Variants in ARHGAP21 observed in about 807,000 individuals in gnomAD.
ARHGAP21 encodes the protein rho GTPase-activating protein 21.
Under a neutral mutation model 164.6 loss-of-function variants are expected in ARHGAP21, and 38 were observed. The ratio of observed to expected loss-of-function variants is 0.23; its 90% confidence interval spans 0.18 to 0.30. ARHGAP21 has a LOEUF of 0.30. Ranked by LOEUF, ARHGAP21 falls within the 10% of genes least tolerant of loss-of-function variation. The probability of loss-of-function intolerance (pLI) is 1.00; values close to 1 mark genes in which losing one functional copy is unlikely to be tolerated. For missense variants in ARHGAP21, 1,822 were observed against 2,370.7 expected (o/e 0.77, Z 4.81); for synonymous variants, 766 against 857.9 (o/e 0.89, Z 1.87).
intron 2 of ARHGAP21, among the ~76,000 whole-genome samples, chr10:24,689,671 G>C (rs1358733280): frequency 6.6e-6 from 1 of 152,040 alleles, no homozygotes; most frequent in Non-Finnish European, 1.5e-5. Context: ...AGCCCGGAAG[G>C]TTGAGGCTGC....
intron 2 of ARHGAP21, among the ~76,000 whole-genome samples, chr10:24,686,587 T>C (rs1266472313): frequency 2.0e-5 from 3 of 152,126 alleles, no homozygotes; most frequent in African/African-American, 4.8e-5. Flanking sequence ...GCCCAAAATA[T>C]AATGTTAAGC....
intron 2 of ARHGAP21, among the ~76,000 whole-genome samples, chr10:24,691,449 T>C (rs893017038): frequency 4.6e-5 from 7 of 152,062 alleles, no homozygotes; most frequent in Non-Finnish European, 8.8e-5. Flanking sequence ...TTGTGTCTTA[T>C]TTATTTCAAA....
chr10:24,616,290 C>T (rs997337208), intron 9 of ARHGAP21, among the ~76,000 whole-genome samples: 2 of 152,172 alleles, frequency 1.3e-5, no homozygotes, highest in African/African-American at 4.8e-5. Context: ...TGCTAAGACT[C>T]AGCCTGAATT....
chr10:24,694,572 C>CAA (rs1182864461), intron 2 of ARHGAP21, among the ~76,000 whole-genome samples: 1 of 152,202 alleles, frequency 6.6e-6, no homozygotes, highest in Non-Finnish European at 1.5e-5. Flanking sequence ...CATATTTTAA[C>CAA]AATCTGTTGC....
intron 24 of ARHGAP21, chr10:24,590,212 A>G: frequency 6.9e-7 from 1 of 1,452,144 alleles, no homozygotes; most frequent in Non-Finnish European, 9.0e-7. Context: ...ATACCATGCT[A>G]TTTCTCCTCA....
At chr10:24,704,557 C>T (rs1844038044) in intron 2 of ARHGAP21, among the ~76,000 whole-genome samples, 1 of 151,910 alleles carries the variant, frequency 6.6e-6, no homozygotes, top group Admixed American at 6.6e-5. Flanking sequence ...CTCCGCCTCC[C>T]AGGTTCAAGC....
At chr10:24,599,283 C>G (rs2076712682) in intron 14 of ARHGAP21, among the ~76,000 whole-genome samples, 1 of 152,182 alleles carries the variant, frequency 6.6e-6, no homozygotes, top group African/African-American at 2.4e-5. Context: ...ACACAGAACT[C>G]CTCTGAACTA....
chr10:24,653,913 G>C (rs546542847), intron 4 of ARHGAP21, among the ~76,000 whole-genome samples: 1 of 151,870 alleles, frequency 6.6e-6, no homozygotes, highest in Non-Finnish European at 1.5e-5. Context: ...TACTAAGAAA[G>C]TGAAAAAAAA....
Position 24,719,128 on chromosome 10 carries a change from CA to C in ARHGAP21, c.63+2708del, listed in dbSNP as rs1296547205. Among the ~76,000 whole-genome samples the C allele has an allele frequency of 1.1e-3, 166 of 151,790 alleles. 1 individual carries two copies. The East Asian group carries it at 0.011, about 10-fold the overall frequency. On this transcript the variant is annotated intron_variant, in intron 2 of 25. Transcript: ENST00000396432. ...ACACACACACACACACACACACACACACCCCAAAAATCACTTAAGAGGTTCA... is the reference window on the plus strand; with the variant it reads ...ACACACACACACACACACACACACACCCCCAAAAATCACTTAAGAGGTTCA...
intron 24 of ARHGAP21, chr10:24,590,614 A>G: frequency 7.1e-7 from 1 of 1,400,368 alleles, no homozygotes; most frequent in Non-Finnish European, 9.3e-7. Context: ...GTTTGGCAGG[A>G]GAAAGTTTTC....
intron 2 of ARHGAP21, among the ~76,000 whole-genome samples, chr10:24,678,115 A>G (rs532116090): frequency 3.3e-5 from 5 of 152,110 alleles, no homozygotes; most frequent in East Asian, 3.9e-4. Flanking sequence ...GGAAAAAAAA[A>G]AGAGAGAGAG....
In ARHGAP21 at chr10:24,600,846, C is replaced by G. The variant is rs771622622; in HGVS notation, c.2932G>C (p.Glu978Gln). The G allele has an allele frequency of 1.2e-6, 2 of 1,614,198 alleles. No individual in the cohort carries two copies. Among genetic ancestry groups the G allele is most frequent in the Admixed American group, 1.7e-5 (1 of 60,024 alleles). Residue 978 changes from glutamate (E) to glutamine (Q), a missense_variant, in exon 14 of 26, where the codon GAG (glutamate) becomes CAG (glutamine). Transcript: ENST00000396432. ...TCTTCCTCAGACGGAGTCGTCTGCT[C>G]TCTTTTATCTTTGTACAGGTAAAGT... ...HSLYLYKDKR[E>Q]QTTPSEEEQP... is the part of the protein sequence containing the mutation.
chr10:24,696,730 C>T (rs941278803), intron 2 of ARHGAP21, among the ~76,000 whole-genome samples: 18 of 152,174 alleles, frequency 1.2e-4, no homozygotes, highest in Non-Finnish European at 2.5e-4. Flanking sequence ...CTATGACAGA[C>T]CATGACAGAA....
intron 24 of ARHGAP21, chr10:24,590,313 A>G (rs1382493991): frequency 6.5e-7 from 1 of 1,534,890 alleles, no homozygotes; most frequent in Non-Finnish European, 8.7e-7. Flanking sequence ...GAAACTTTAC[A>G]CCACAGATCA....
chr10:24,649,215 A>G (rs1334504924), intron 4 of ARHGAP21, among the ~76,000 whole-genome samples: 3 of 152,252 alleles, frequency 2.0e-5, no homozygotes, highest in Non-Finnish European at 4.4e-5. Context: ...GCTAATATAG[A>G]GAGATGGGTA....
At chr10:24,627,171 C>T (rs531836661) in intron 7 of ARHGAP21, among the ~76,000 whole-genome samples, 2 of 152,296 alleles carry the variant, frequency 1.3e-5, no homozygotes, top group African/African-American at 4.8e-5. Context: ...ACTACCCAAT[C>T]CTGTTGCCCA....
chr10:24,671,866 G>T (rs1396956248), intron 2 of ARHGAP21, among the ~76,000 whole-genome samples: 1 of 149,850 alleles, frequency 6.7e-6, no homozygotes, highest in Non-Finnish European at 1.5e-5. Flanking sequence ...GGGACTACAG[G>T]TGAATGTCAT....
At chr10:24,648,938 T>C (rs1837882503) in intron 4 of ARHGAP21, 9 of 813,698 alleles carry the variant, frequency 1.1e-5, no homozygotes, top group Non-Finnish European at 1.3e-5. Flanking sequence ...ACCTGTCCAC[T>C]AGAGAAAAAC....
rs753620529 is a variant in ARHGAP21 at position 24,621,177 on chromosome 10, G to A, written c.718C>T (p.Pro240Ser). 3 of 1,613,772 alleles carry A rather than the reference G, an allele frequency of 1.9e-6. No individual in the cohort carries two copies. Among genetic ancestry groups the A allele is most frequent in the Admixed American group, 1.7e-5 (1 of 59,996 alleles). Reference protein sequence around the residue: ...QQTSTPVLTQPGRAYRMEIQV... With the variant: ...QQTSTPVLTQSGRAYRMEIQV... ...ATTTCCATTCTATAGGCCCTACCAG[G>A]TTGTGTCAGTACTGGTGTACTGGTT... The change falls in exon 9 of 26, where the codon CCT (proline) becomes TCT (serine). Residue 240 changes from proline (P) to serine (S), a missense_variant. Coordinates refer to ENST00000396432, the MANE Select transcript of ARHGAP21 (RefSeq NM_020824.4).
Sources: allele counts gnomAD v4.1 joint callset (sites outside exome capture counted in the v4.1 genomes callset), GRCh38; gene constraint gnomAD v4.1.1; transcripts MANE v1.5; gene names NCBI Gene and HGNC (gene_info 2026-07-23, HGNC 2026-07-21).